Variants in GPR158 observed in about 807,000 individuals in gnomAD.
GPR158 encodes metabotropic glycine receptor.
Under a neutral mutation model 78.2 loss-of-function variants are expected in GPR158, and 30 were observed. The ratio of observed to expected loss-of-function variants is 0.38; its 90% CI spans 0.29 to 0.52. The LOEUF is 0.52. Ranked by LOEUF, GPR158 falls within the 20% of genes least tolerant of loss-of-function variation. The pLI is 0.83. For synonymous variants in GPR158, 581 were observed against 591.1 expected (o/e 0.98, Z 0.25); for missense variants, 1,463 against 1,523.5 (o/e 0.96, Z 0.66).
At position 25,599,892 on chromosome 10, in the gene GPR158, G is replaced by A. The variant is rs1380904502; in HGVS notation, c.*618G>A. 1 of 152,704 alleles carries A rather than the reference G, an allele frequency of 6.5e-6. No homozygotes were observed. The highest frequency in any genetic ancestry group is 2.4e-5 in the African/African-American group (1 of 41,436). 9.5% of individuals were successfully genotyped at this position (152,704 alleles called of 1,614,324 possible). A position where few individuals can be genotyped will look rare whatever the true frequency, so the allele number is the denominator to read the frequency against. ...ACACAACACATTTATGCAATCTGCA[G>A]CTATTCAATTGTTATTGCACCTTAC... On this transcript the variant is annotated 3_prime_UTR_variant, in exon 11 of 11. Coordinates refer to ENST00000376351, the MANE Select transcript of GPR158 (RefSeq NM_020752.3).
Position 25,600,423 on chromosome 10 carries a change from G to A in GPR158, c.*1149G>A, listed in dbSNP as rs185560243. 2 of 152,074 alleles carry A rather than the reference G, an allele frequency of 1.3e-5. No individual in the cohort carries two copies. The highest frequency in any genetic ancestry group is 4.8e-5 in the African/African-American group (2 of 41,332). 9.4% of individuals were successfully genotyped at this position (152,074 alleles called of 1,614,324 possible). On this transcript the variant is annotated 3_prime_UTR_variant, in exon 11 of 11. Coordinates refer to ENST00000376351, the MANE Select transcript of GPR158 (RefSeq NM_020752.3). The stretch of plus-strand genomic sequence containing the variant: ...TATAGCAGTACTATAAACCCAGGAA[G>A]TTTGCCTTTCAAAAAAAAACACAGG...
At chr10:25,239,672 A>G (rs542952417) in intron 2 of GPR158, among the ~76,000 whole-genome samples, 3 of 151,370 alleles carry the variant, frequency 2.0e-5, no homozygotes, top group South Asian at 2.1e-4. Flanking sequence ...TATTTTCTCT[A>G]TTAGAGAATA....
At chr10:25,180,974 C>A (rs531660394) in intron 1 of GPR158, among the ~76,000 whole-genome samples, 17 of 152,324 alleles carry the variant, frequency 1.1e-4, no homozygotes, top group African/African-American at 3.8e-4. Context: ...GATTCACTGA[C>A]TGCCTGAGTG....
At chr10:25,455,715 C>CATA (rs1835282157) in intron 4 of GPR158, among the ~76,000 whole-genome samples, 2 of 152,052 alleles carry the variant, frequency 1.3e-5, no homozygotes, top group African/African-American at 2.4e-5. Context: ...ATATATGAGA[C>CATA]TCTAAAATAT....
intron 2 of GPR158, among the ~76,000 whole-genome samples, chr10:25,246,418 CAA>C (rs772873767): frequency 4.6e-5 from 7 of 152,176 alleles, no homozygotes; most frequent in Non-Finnish European, 8.8e-5. Flanking sequence ...AAACTGGACT[CAA>C]GTTTTAATTT....
chr10:25,306,487 T>C (rs979233945), intron 2 of GPR158, among the ~76,000 whole-genome samples: 1 of 151,762 alleles, frequency 6.6e-6, no homozygotes, highest in Non-Finnish European at 1.5e-5. Context: ...GTTAATAGAA[T>C]AACACATTAA....
intron 5 of GPR158, among the ~76,000 whole-genome samples, chr10:25,496,402 A>G (rs1025672701): frequency 4.6e-5 from 7 of 152,228 alleles, no homozygotes; most frequent in Non-Finnish European, 1.0e-4. Context: ...TACGCCAGGC[A>G]TTTAACTCCA....
intron 2 of GPR158, among the ~76,000 whole-genome samples, chr10:25,334,991 A>C (rs1302846109): frequency 6.6e-6 from 1 of 152,020 alleles, no homozygotes; most frequent in Non-Finnish European, 1.5e-5. Flanking sequence ...AGTGAATGCA[A>C]ATCTTTGATT....
At position 25,255,434 on chromosome 10, in the gene GPR158, G is replaced by T. The variant is rs575569478; in HGVS notation, c.1008+34277G>T. 7.2e-5 allele frequency among the ~76,000 whole-genome samples: 11 copies of T among 152,308 alleles called. No homozygotes were observed. In the East Asian group the frequency reaches 1.9e-3, roughly 27 times the overall value. ...TTTTTGTAGGTCAGAAGCCTAGGCTGGATGACCTGACTGTGTCCTCTGCTC... is the reference window on the plus strand; with the variant it reads ...TTTTTGTAGGTCAGAAGCCTAGGCTTGATGACCTGACTGTGTCCTCTGCTC... On this transcript the variant is annotated intron_variant, in intron 2 of 10. Transcript: ENST00000376351.
intron 2 of GPR158, among the ~76,000 whole-genome samples, chr10:25,258,873 A>G (rs548799471): frequency 3.9e-5 from 6 of 152,242 alleles, no homozygotes; most frequent in Non-Finnish European, 4.4e-5. Flanking sequence ...TAACATAAAC[A>G]GTCAATTAAC....
intron 2 of GPR158, among the ~76,000 whole-genome samples, chr10:25,370,049 C>A (rs910837767): frequency 1.3e-5 from 2 of 148,232 alleles, no homozygotes; most frequent in African/African-American, 4.9e-5. Flanking sequence ...CTATTTGATT[C>A]TTCTCTCTTT....
At chr10:25,552,645 T>C (rs1457436209) in intron 6 of GPR158, among the ~76,000 whole-genome samples, 1 of 152,164 alleles carries the variant, frequency 6.6e-6, no homozygotes, top group Admixed American at 6.5e-5. Context: ...ATGGGACATG[T>C]TTAATACATA....
At chr10:25,322,231 A>C (rs1024692073) in intron 2 of GPR158, among the ~76,000 whole-genome samples, 3 of 152,114 alleles carry the variant, frequency 2.0e-5, no homozygotes, top group African/African-American at 7.2e-5. Context: ...AATACAAAAA[A>C]TTAGCCAGGC....
At chr10:25,361,763 C>A (rs2130534620) in intron 2 of GPR158, among the ~76,000 whole-genome samples, 1 of 152,012 alleles carries the variant, frequency 6.6e-6, no homozygotes, top group South Asian at 2.1e-4. Context: ...CTATTCAAAT[C>A]CTTTGCATAT....
At position 25,599,195 on chromosome 10, in the gene GPR158, T is replaced by C. The variant is rs1428730493; in HGVS notation, c.3569T>C (p.Leu1190Ser). 2 of 1,611,960 alleles carry C rather than the reference T, an allele frequency of 1.2e-6. No individual in the cohort carries two copies. The highest frequency in any genetic ancestry group is 4.5e-5 in the East Asian group (2 of 44,886). The change falls in exon 11 of 11, where the codon TTA becomes TCA. Residue 1190 changes from leucine to serine, a missense_variant. Physicochemically the swap from Leu to Ser is moderately radical, Grantham distance 145. Transcript: ENST00000376351. ...AQPNAGRSVA[L>S]PASSALSANK... The stretch of plus-strand genomic sequence containing the variant: ...CCAAATGCTGGAAGAAGTGTAGCTT[T>C]ACCTGCCTCTTCTGCTCTAAGTGCA...
rs1235520515 is a variant in GPR158, at chr10:25,510,644, C to T, written c.1405-40332C>T. On this transcript the variant is annotated intron_variant, in intron 5 of 10. Coordinates refer to ENST00000376351, the MANE Select transcript of GPR158 (RefSeq NM_020752.3). ...AGTGGTGATTTCTGAGATTTTGGTG[C>T]ACCCATCACCTGAGCAGTGTACACT... is the stretch of plus-strand genomic sequence containing the variant. 2.0e-5 allele frequency among the ~76,000 whole-genome samples: 3 copies of T among 152,200 alleles called. No homozygotes were observed. The East Asian group carries it at 5.8e-4, about 29-fold the overall frequency.
chr10:25,598,032 C>T lies in GPR158; in HGVS notation c.2406C>T (p.Ser802=). 6.2e-7 allele frequency: 1 copy of T among 1,614,050 alleles called. No homozygotes were observed. The highest frequency in any genetic ancestry group is 8.5e-7 in the Non-Finnish European group (1 of 1,180,010). The change falls in exon 11 of 11, where the codon TCC becomes TCT. Residue 802 remains serine, a synonymous_variant. Coordinates refer to ENST00000376351, the MANE Select transcript of GPR158 (RefSeq NM_020752.3). ...PPESSGNTGK[S]KEETLKNRVF... ...AGTCTTCAGGGAACACAGGGAAATC[C>T]AAGGAGGAGACCCTGAAAAACCGAG...
intron 4 of GPR158, among the ~76,000 whole-genome samples, chr10:25,431,598 T>C (rs1231816584): frequency 1.5e-5 from 2 of 135,920 alleles, no homozygotes; most frequent in East Asian, 4.1e-4. Context: ...AGCAAAGACT[T>C]GGAACCAACC....
At chr10:25,187,317 G>C (rs913569197) in intron 1 of GPR158, among the ~76,000 whole-genome samples, 2 of 152,054 alleles carry the variant, frequency 1.3e-5, no homozygotes, top group Non-Finnish European at 2.9e-5. Context: ...AAGCCTGGCA[G>C]AGACACAATA....
Sources: gnomAD v4.1 joint callset for allele counts (sites outside exome capture counted in the v4.1 genomes callset) on GRCh38, gnomAD v4.1.1 for gene constraint, MANE v1.5 for transcripts, NCBI Gene and HGNC (gene_info 2026-07-23, HGNC 2026-07-21) for gene names.